Variants in INPP4B observed in about 807,000 individuals in gnomAD.
INPP4B encodes inositol polyphosphate-4-phosphatase type II B, also known as inositol polyphosphate 4-phosphatase type II.
In INPP4B, 55 loss-of-function variants were observed where a neutral mutation model predicts 122.5. The ratio of observed to expected loss-of-function variants is 0.45; its 90% CI spans 0.36 to 0.56. INPP4B has a LOEUF of 0.56. Among genes scored for constraint, INPP4B ranks in the 20% least tolerant of loss-of-function variants. INPP4B has a pLI of 0.00. For missense variants in INPP4B, 1,000 were observed against 1,097.7 expected, an observed-to-expected ratio of 0.91 and a Z score of 1.26; for synonymous variants, 403 against 388.7, an observed-to-expected ratio of 1.04 and a Z score of -0.43.
intron 5 of INPP4B, among the ~76,000 whole-genome samples, chr4:142,424,720 G>A (rs1807661441): frequency 6.6e-6 from 1 of 151,636 alleles, no homozygotes; most frequent in Admixed American, 6.6e-5. Flanking sequence ...CTCTGAGTTG[G>A]GGATGAAATA....
At chr4:142,394,232 G>A (rs1410748207) in intron 7 of INPP4B, among the ~76,000 whole-genome samples, 2 of 152,114 alleles carry the variant, frequency 1.3e-5, no homozygotes, top group Non-Finnish European at 2.9e-5. Context: ...TGCAAGCTCC[G>A]CCTCCTGAGT....
At chr4:142,450,838 A>G (rs1258245996) in intron 3 of INPP4B, among the ~76,000 whole-genome samples, 1 of 152,148 alleles carries the variant, frequency 6.6e-6, no homozygotes, top group Non-Finnish European at 1.5e-5. Context: ...CTTTTCACAC[A>G]CAAAAATTTT....
At chr4:142,176,801 C>T (rs1205316673) in intron 15 of INPP4B, among the ~76,000 whole-genome samples, 1 of 152,128 alleles carries the variant, frequency 6.6e-6, no homozygotes, top group Non-Finnish European at 1.5e-5. Context: ...TTTAGAGACA[C>T]CCTGTCATTG....
At chr4:142,749,322 A>G (rs1414092843) in intron 1 of INPP4B, among the ~76,000 whole-genome samples, 1 of 148,308 alleles carries the variant, frequency 6.7e-6, no homozygotes, top group Non-Finnish European at 1.5e-5. Flanking sequence ...ATTTATATAT[A>G]TATGGTAAGA....
At chr4:142,066,487 A>G (rs879576700) in intron 25 of INPP4B, among the ~76,000 whole-genome samples, 12 of 152,294 alleles carry the variant, frequency 7.9e-5, no homozygotes, top group Admixed American at 3.3e-4. Flanking sequence ...TAGTTCTGGG[A>G]AGGGCCTGAG....
chr4:142,535,987 T>C (rs552317904), intron 2 of INPP4B, among the ~76,000 whole-genome samples: 1 of 152,286 alleles, frequency 6.6e-6, no homozygotes, highest in East Asian at 1.9e-4. Context: ...GCCTTAGACT[T>C]AGGCAAGGAG....
At chr4:142,300,155 C>T (rs1240326074) in intron 9 of INPP4B, among the ~76,000 whole-genome samples, 3 of 152,182 alleles carry the variant, frequency 2.0e-5, no homozygotes, top group Non-Finnish European at 4.4e-5. Context: ...GGGGTTCACA[C>T]CAACTTACAG....
intron 2 of INPP4B, among the ~76,000 whole-genome samples, chr4:142,657,528 T>A (rs917490590): frequency 2.0e-5 from 3 of 152,196 alleles, no homozygotes; most frequent in African/African-American, 7.2e-5. Flanking sequence ...AGAAATAGAT[T>A]TACATGCAGG....
chr4:142,468,104 G>A (rs1818145787), intron 2 of INPP4B: 1 of 152,096 alleles, frequency 6.6e-6, no homozygotes. Flanking sequence ...AAATTACCCA[G>A]CTCCGAGTAT....
chr4:142,352,214 G>A (rs1782134361), intron 7 of INPP4B, among the ~76,000 whole-genome samples: 1 of 151,802 alleles, frequency 6.6e-6, no homozygotes, highest in South Asian at 2.1e-4. Context: ...ATAGTACAAC[G>A]AAGGCCCTGG....
At chr4:142,643,200 C>T (rs879928216) in intron 2 of INPP4B, among the ~76,000 whole-genome samples, 14 of 152,116 alleles carry the variant, frequency 9.2e-5, no homozygotes, top group Non-Finnish European at 2.1e-4. Flanking sequence ...AATATACAAT[C>T]ATGCCATCTG....
chr4:142,498,218 C>T (rs1822891839), intron 2 of INPP4B, among the ~76,000 whole-genome samples: 1 of 148,316 alleles, frequency 6.7e-6, no homozygotes, highest in African/African-American at 2.6e-5. Context: ...TATATATATA[C>T]ACATATACTT....
At chr4:142,376,189 C>CAA (rs1423742131) in intron 7 of INPP4B, among the ~76,000 whole-genome samples, 1 of 151,912 alleles carries the variant, frequency 6.6e-6, no homozygotes, top group Non-Finnish European at 1.5e-5. Flanking sequence ...CCTAGTGTAG[C>CAA]AAATATAATT....
chr4:142,420,502 C>G (rs1210338130), intron 5 of INPP4B, among the ~76,000 whole-genome samples: 1 of 152,056 alleles, frequency 6.6e-6, no homozygotes, highest in Non-Finnish European at 1.5e-5. Context: ...ACTACCCACC[C>G]GACAGATGTG....
At chr4:142,665,736 A>G (rs1755929054) in intron 2 of INPP4B, among the ~76,000 whole-genome samples, 1 of 152,078 alleles carries the variant, frequency 6.6e-6, no homozygotes, top group African/African-American at 2.4e-5. Flanking sequence ...TTTTATTAAT[A>G]AAAAAGCACC....
chr4:142,414,680 T>TAATA (rs1805308852), intron 5 of INPP4B, among the ~76,000 whole-genome samples: 2 of 152,140 alleles, frequency 1.3e-5, no homozygotes, highest in African/African-American at 4.8e-5. Context: ...ATTACCTAGG[T>TAATA]GGCTGAGACT....
chr4:142,444,543 CCACCA>C (rs1812493358), intron 3 of INPP4B, among the ~76,000 whole-genome samples: 1 of 151,810 alleles, frequency 6.6e-6, no homozygotes, highest in Non-Finnish European at 1.5e-5. Flanking sequence ...ATTTACACTC[CCACCA>C]CACTGTTGGT....
Position 142,580,322 on chromosome 4 carries a change from A to T in INPP4B, c.-190-117596T>A, listed in dbSNP as rs1165761777. On this transcript the variant is annotated intron_variant, in intron 2 of 25. Transcript: ENST00000262992. ...TAGATTACATGAGTTAAACAATGTT[A>T]GGTACTTAGTATCTGTCACATTGTG... is the stretch of plus-strand genomic sequence containing the variant. 2.0e-5 allele frequency among the ~76,000 whole-genome samples: 3 copies of T among 152,010 alleles called. No homozygotes were observed. The East Asian group carries it at 5.8e-4, about 29-fold the overall frequency.
At chr4:142,435,450 A>T (rs754324941) in intron 3 of INPP4B, among the ~76,000 whole-genome samples, 1 of 102,156 alleles carries the variant, frequency 9.8e-6, no homozygotes, top group Non-Finnish European at 1.7e-5. Flanking sequence ...CCTTTAAGAT[A>T]AAAAAAAAAG....
Sources: allele counts gnomAD v4.1 joint callset (sites outside exome capture counted in the v4.1 genomes callset), GRCh38; gene constraint gnomAD v4.1.1; transcripts MANE v1.5; gene names NCBI Gene and HGNC (gene_info 2026-07-23, HGNC 2026-07-21).